Variants in ATG10 observed in about 807,000 individuals in gnomAD.
ATG10 encodes autophagy related 10, also known as ubiquitin-like-conjugating enzyme ATG10.
A neutral mutation model predicts 32.1 loss-of-function variants in ATG10; 30 were observed. The observed-to-expected ratio is 0.94, with a 90% CI of 0.70 to 1.27. The LOEUF is 1.27. Ranked by LOEUF, ATG10 falls within the 50% of genes most tolerant of loss-of-function variation. The pLI, the probability that ATG10 is intolerant of heterozygous loss-of-function variation, is 0.00. For synonymous variants in ATG10, 87 were observed against 91.5 expected (o/e 0.95, Z 0.28); for missense variants, 233 against 262.3 (o/e 0.89, Z 0.77).
intron 3 of ATG10, among the ~76,000 whole-genome samples, chr5:82,106,945 TC>T (rs1412463925): frequency 6.6e-6 from 1 of 152,006 alleles, no homozygotes; most frequent in Non-Finnish European, 1.5e-5. Context: ...TAGAAAAGGT[TC>T]TTTCAGCAAG....
At chr5:82,152,270 T>G (rs1018918556) in intron 3 of ATG10, among the ~76,000 whole-genome samples, 2 of 152,210 alleles carry the variant, frequency 1.3e-5, no homozygotes, top group Non-Finnish European at 1.5e-5. Context: ...GAGTCTACTT[T>G]GAATTAAGGC....
chr5:82,000,630 A>G (rs907606900), intron 2 of ATG10, among the ~76,000 whole-genome samples: 1 of 152,142 alleles, frequency 6.6e-6, no homozygotes, highest in Non-Finnish European at 1.5e-5. Flanking sequence ...TTCAGGATAC[A>G]AAATCAATGT....
intron 5 of ATG10, among the ~76,000 whole-genome samples, chr5:82,199,100 A>G (rs1263681656): frequency 2.0e-5 from 3 of 152,330 alleles, no homozygotes; most frequent in African/African-American, 7.2e-5. Flanking sequence ...GAAAATTTTG[A>G]AATTTTAGTA....
At chr5:82,020,360 T>C (rs1436100554) in intron 2 of ATG10, among the ~76,000 whole-genome samples, 1 of 152,260 alleles carries the variant, frequency 6.6e-6, no homozygotes, top group Non-Finnish European at 1.5e-5. Flanking sequence ...GGATTGAGTC[T>C]TAATTATCTG....
chr5:82,073,235 C>G (rs1223803697), intron 3 of ATG10: 2 of 152,216 alleles, frequency 1.3e-5, no homozygotes, highest in Non-Finnish European at 2.9e-5. Flanking sequence ...AATTCTTACT[C>G]TTTCTGATCT....
rs528512656 is a variant in ATG10 at position 82,165,134 on chromosome 5, C to G, written c.355+597C>G. Among the ~76,000 whole-genome samples, 4 of 152,312 alleles carry G rather than the reference C, an allele frequency of 2.6e-5. No homozygotes were observed. In the South Asian group the frequency reaches 8.3e-4, roughly 32 times the overall value. On this transcript the variant is annotated intron_variant, in intron 4 of 7. Coordinates refer to ENST00000282185, the MANE Select transcript of ATG10 (RefSeq NM_031482.5). ...TAGCTAATAAAGCTTATTTAATCAG[C>G]AGCCACATGGCGTCCTCACTCTGCA...
chr5:82,080,082 A>G (rs1764420654), intron 3 of ATG10, among the ~76,000 whole-genome samples: 1 of 152,144 alleles, frequency 6.6e-6, no homozygotes, highest in Non-Finnish European at 1.5e-5. Flanking sequence ...ATGGTATCTC[A>G]TTGTGGTTTT....
intron 1 of ATG10, chr5:81,973,381 G>C (rs1760782441): frequency 6.6e-6 from 1 of 152,160 alleles, no homozygotes; most frequent in South Asian, 2.1e-4. Flanking sequence ...GCCTGCCTCG[G>C]CCTCCCAAAG....
chr5:82,017,375 A>G (rs993062191), intron 2 of ATG10, among the ~76,000 whole-genome samples: 1 of 152,148 alleles, frequency 6.6e-6, no homozygotes, highest in Non-Finnish European at 1.5e-5. Flanking sequence ...TGTCCTCTTT[A>G]CTGATTTGGA....
intron 2 of ATG10, among the ~76,000 whole-genome samples, chr5:82,003,945 G>C (rs1333421299): frequency 2.0e-5 from 3 of 152,144 alleles, no homozygotes; most frequent in African/African-American, 7.2e-5. Flanking sequence ...TTTGAGACTA[G>C]CCTGACCAAT....
rs146875641 is a variant in ATG10, at chr5:82,200,791, T to G, written c.453+22204T>G. The stretch of plus-strand genomic sequence containing the variant: ...TACTTTCTCCCAGTGTATGACTTCT[T>G]TTTATTCTTTTAACAGTTTTTCACA... On this transcript the variant is annotated intron_variant, in intron 5 of 7. Coordinates refer to ENST00000282185, the MANE Select transcript of ATG10 (RefSeq NM_031482.5). Among the ~76,000 whole-genome samples, 38 of 151,558 alleles carry G rather than the reference T, an allele frequency of 2.5e-4. No homozygotes were observed. In the East Asian group the frequency reaches 7.1e-3, roughly 28 times the overall value.
intron 2 of ATG10, among the ~76,000 whole-genome samples, chr5:81,997,080 T>C (rs1761687569): frequency 6.6e-6 from 1 of 152,166 alleles, no homozygotes; most frequent in South Asian, 2.1e-4. Flanking sequence ...TGTGCCACCA[T>C]TGTGAACATT....
chr5:82,213,172 T>G (rs1295175976), intron 5 of ATG10, among the ~76,000 whole-genome samples: 3 of 152,344 alleles, frequency 2.0e-5, no homozygotes, highest in Admixed American at 2.0e-4. Context: ...ATTTCCTGAC[T>G]TTATTCCATT....
At chr5:82,050,850 A>G (rs1262056287) in intron 2 of ATG10, among the ~76,000 whole-genome samples, 2 of 148,496 alleles carry the variant, frequency 1.3e-5, no homozygotes, top group African/African-American at 2.5e-5. Context: ...AAAAAAAAAA[A>G]AAAAAAAAAA....
chr5:82,253,534 G>A (rs961491685), intron 7 of ATG10, 105 bp downstream of exon 7: 4 of 744,190 alleles, frequency 5.4e-6, no homozygotes, highest in Non-Finnish European at 7.0e-6. Flanking sequence ...CATCTTTAGT[G>A]GGCAAACCCT....
chr5:82,052,292 C>G, intron 2 of ATG10, among the ~76,000 whole-genome samples: 1 of 152,272 alleles, frequency 6.6e-6, no homozygotes, highest in East Asian at 1.9e-4. Flanking sequence ...TTCCAGCAGG[C>G]ATAACATAGC....
chr5:82,230,607 C>T (rs991867827), intron 5 of ATG10, among the ~76,000 whole-genome samples: 1 of 151,752 alleles, frequency 6.6e-6, no homozygotes, highest in Non-Finnish European at 1.5e-5. Context: ...GTGGCACGCT[C>T]CTGTAGTCCC....
chr5:82,183,225 T>C (rs1381435534), intron 5 of ATG10, among the ~76,000 whole-genome samples: 1 of 152,148 alleles, frequency 6.6e-6, no homozygotes, highest in Non-Finnish European at 1.5e-5. Flanking sequence ...GTTCTTTTTT[T>C]ATAGTTTGTT....
At chr5:82,158,692 T>C (rs1285801498) in intron 3 of ATG10, among the ~76,000 whole-genome samples, 12 of 152,102 alleles carry the variant, frequency 7.9e-5, no homozygotes, top group Non-Finnish European at 1.8e-4. Flanking sequence ...GGGCTCACTG[T>C]ATACCCAAAT....
Sources: allele counts gnomAD v4.1 joint callset (sites outside exome capture counted in the v4.1 genomes callset), GRCh38; gene constraint gnomAD v4.1.1; transcripts MANE v1.5; gene names NCBI Gene and HGNC (gene_info 2026-07-23, HGNC 2026-07-21).